Variants in RAB10 observed in about 807,000 individuals in gnomAD.
RAB10 encodes ras-related protein Rab-10.
In RAB10, 5 loss-of-function variants were observed where a neutral mutation model predicts 25.7. The observed-to-expected ratio is 0.19, with a 90% CI of 0.10 to 0.41. RAB10 has a LOEUF of 0.41. Ranked by LOEUF, RAB10 falls within the 10% of genes least tolerant of loss-of-function variation. RAB10 has a pLI of 1.00. For synonymous variants in RAB10, 89 were observed against 86.4 expected (o/e 1.03, Z -0.16); for missense variants, 103 against 245.8 (o/e 0.42, Z 3.89).
chr2:26,103,070 G>GGT (rs1667378013), intron 2 of RAB10, among the ~76,000 whole-genome samples: 1 of 152,120 alleles, frequency 6.6e-6, no homozygotes, highest in Non-Finnish European at 1.5e-5. Context: ...TTGTTTATAA[G>GGT]TGAAAACAAC....
intron 1 of RAB10, among the ~76,000 whole-genome samples, chr2:26,082,386 G>A (rs1666888224): frequency 1.3e-5 from 2 of 151,992 alleles, no homozygotes; most frequent in African/African-American, 4.8e-5. Flanking sequence ...TATTAGACAA[G>A]GTAGATTTTA....
chr2:26,040,088 A>C (rs112035299), intron 1 of RAB10, among the ~76,000 whole-genome samples: 1 of 152,160 alleles, frequency 6.6e-6, no homozygotes, highest in East Asian at 1.9e-4. Flanking sequence ...CGTGCAGATG[A>C]CTAGAAATAC....
At chr2:26,048,675 G>A (rs1666068363) in intron 1 of RAB10, among the ~76,000 whole-genome samples, 2 of 152,082 alleles carry the variant, frequency 1.3e-5, no homozygotes, top group South Asian at 4.1e-4. Flanking sequence ...AGTTGTTTGA[G>A]ACTAGCTTGG....
At chr2:26,105,217 G>T (rs1033451270) in intron 2 of RAB10, among the ~76,000 whole-genome samples, 2 of 152,166 alleles carry the variant, frequency 1.3e-5, no homozygotes, top group African/African-American at 4.8e-5. Context: ...AGATCACTCT[G>T]GCTGGTGTGT....
chr2:26,046,696 G>A (rs1559577536), intron 1 of RAB10, among the ~76,000 whole-genome samples: 1 of 152,048 alleles, frequency 6.6e-6, no homozygotes, highest in African/African-American at 2.4e-5. Flanking sequence ...GGATTTATAG[G>A]TGGGAGCCAC....
intron 3 of RAB10, among the ~76,000 whole-genome samples, chr2:26,125,029 T>C (rs897229534): frequency 3.3e-5 from 5 of 152,208 alleles, no homozygotes; most frequent in African/African-American, 1.2e-4. Flanking sequence ...TGTGGGTTGT[T>C]TTCACCCTTT....
intron 5 of RAB10, among the ~76,000 whole-genome samples, chr2:26,129,476 T>C (rs1367151486): frequency 2.0e-5 from 3 of 152,196 alleles, no homozygotes; most frequent in Non-Finnish European, 2.9e-5. Flanking sequence ...TTCTCCACTT[T>C]GGAAGGACAG....
At chr2:26,124,467 A>C (rs1667868813) in intron 3 of RAB10, among the ~76,000 whole-genome samples, 1 of 126,660 alleles carries the variant, frequency 7.9e-6, no homozygotes, top group East Asian at 2.7e-4. Context: ...TGGCAGTGAT[A>C]ATAGTTCACT....
chr2:26,033,803 G>A (rs1460266661), upstream of RAB10, among the ~76,000 whole-genome samples: 3 of 151,106 alleles, frequency 2.0e-5, no homozygotes, highest in East Asian at 1.9e-4. Context: ...GCGGGGGTCG[G>A]AGGGGGGGCG....
chr2:26,117,435 A>T (rs1219057442), intron 3 of RAB10, among the ~76,000 whole-genome samples: 6 of 151,968 alleles, frequency 3.9e-5, no homozygotes, highest in Non-Finnish European at 7.4e-5. Context: ...AACACGGTGA[A>T]ACCCCGTCTC....
chr2:26,136,310 A>G lies in RAB10; in HGVS notation c.*1289A>G, dbSNP rs1477454088. The G allele has an allele frequency of 1.3e-5, 2 of 152,572 alleles. No individual in the cohort carries two copies. The highest frequency in any genetic ancestry group is 2.9e-5 in the Non-Finnish European group (2 of 68,030). 9.5% of individuals were successfully genotyped at this position (152,572 alleles called of 1,614,324 possible). A position where few individuals can be genotyped will look rare whatever the true frequency, so the allele number is the denominator to read the frequency against. The stretch of plus-strand genomic sequence containing the variant: ...GTGAATTTTATTAACATGTTTGCCA[A>G]ATGTATTGAGATTTGGCCTCTGAAG... On this transcript the variant is annotated 3_prime_UTR_variant, in exon 6 of 6. Transcript: ENST00000264710.
At chr2:26,132,058 A>G (rs1408528926) in intron 5 of RAB10, among the ~76,000 whole-genome samples, 2 of 152,180 alleles carry the variant, frequency 1.3e-5, no homozygotes, top group East Asian at 1.9e-4. Context: ...TACATTTGCA[A>G]TTTTGATAAA....
At chr2:26,103,326 T>C (rs1667383679) in intron 2 of RAB10, among the ~76,000 whole-genome samples, 1 of 152,236 alleles carries the variant, frequency 6.6e-6, no homozygotes, top group African/African-American at 2.4e-5. Flanking sequence ...ACCAGTCATA[T>C]GCAGGTAGTG....
chr2:26,059,736 G>A (rs1202942137), intron 1 of RAB10, among the ~76,000 whole-genome samples: 4 of 152,100 alleles, frequency 2.6e-5, no homozygotes, highest in Non-Finnish European at 5.9e-5. Context: ...ACTGTCCATC[G>A]GTGGTTATCA....
At chr2:26,073,636 G>C (rs769653051) in intron 1 of RAB10, among the ~76,000 whole-genome samples, 13 of 152,164 alleles carry the variant, frequency 8.5e-5, no homozygotes, top group Non-Finnish European at 1.9e-4. Flanking sequence ...GCATAGATAA[G>C]AAAACAGAAG....
At chr2:26,115,812 C>T (rs1224650740) in intron 3 of RAB10, among the ~76,000 whole-genome samples, 1 of 151,540 alleles carries the variant, frequency 6.6e-6, no homozygotes, top group Non-Finnish European at 1.5e-5. Context: ...TTACAGTTGA[C>T]CCTTGAACAA....
In RAB10 at chr2:26,050,462, G is replaced by A. The variant is rs183315764; in HGVS notation, c.127+15727G>A. Among the ~76,000 whole-genome samples, 4 of 152,194 alleles carry A rather than the reference G, an allele frequency of 2.6e-5. No homozygotes were observed. The East Asian group carries it at 7.7e-4, about 29-fold the overall frequency. On this transcript the variant is annotated intron_variant, in intron 1 of 5. Transcript: ENST00000264710. ...ATTTCATAATTACGTACCTTGGTAG[G>A]TGGGTCTTTTTTATAAATCTGTTGT...
At chr2:26,039,193 A>C (rs958756137) in intron 1 of RAB10, among the ~76,000 whole-genome samples, 12 of 150,970 alleles carry the variant, frequency 7.9e-5, no homozygotes, top group African/African-American at 2.7e-4. Context: ...CTAATTTTTG[A>C]ATTTTTTAGT....
At chr2:26,091,097 A>G (rs1368905026) in intron 1 of RAB10, among the ~76,000 whole-genome samples, 2 of 152,180 alleles carry the variant, frequency 1.3e-5, no homozygotes, top group Non-Finnish European at 2.9e-5. Flanking sequence ...ATTTCTCCAG[A>G]AAACATCATT....
Sources: gnomAD v4.1 joint callset for allele counts (sites outside exome capture counted in the v4.1 genomes callset) on GRCh38, gnomAD v4.1.1 for gene constraint, MANE v1.5 for transcripts, NCBI Gene and HGNC (gene_info 2026-07-23, HGNC 2026-07-21) for gene names.